Variants in ZC3H12C observed in about 807,000 individuals in gnomAD.
The protein encoded by ZC3H12C is probable ribonuclease ZC3H12C.
Under a neutral mutation model 76.3 loss-of-function variants are expected in ZC3H12C, and 20 were observed. That is an observed-to-expected ratio of 0.26 (90% CI 0.18 to 0.38). The LOEUF (loss-of-function observed/expected upper bound fraction) is 0.38, where lower values mean the gene tolerates loss of function less well. ZC3H12C is among the 10% of genes least tolerant of loss of function. The pLI is 1.00. For synonymous variants in ZC3H12C, 352 were observed against 399.6 expected (o/e 0.88, Z 1.42); for missense variants, 874 against 1,086.5 (o/e 0.80, Z 2.75).
At chr11:110,103,995 TC>T (rs1375794946) in intron 1 of ZC3H12C, among the ~76,000 whole-genome samples, 19 of 151,116 alleles carry the variant, frequency 1.3e-4, no homozygotes, top group Middle Eastern at 3.4e-3. Context: ...AGGAAACAAT[TC>T]TTTTTTTTTT....
At chr11:110,130,340 C>G (rs1449213634) in intron 1 of ZC3H12C, among the ~76,000 whole-genome samples, 1 of 152,166 alleles carries the variant, frequency 6.6e-6, no homozygotes, top group Non-Finnish European at 1.5e-5. Flanking sequence ...TTTGTGATCT[C>G]TTAAGTCTTT....
At chr11:110,116,667 C>G (rs755303705) in intron 1 of ZC3H12C, among the ~76,000 whole-genome samples, 1 of 152,184 alleles carries the variant, frequency 6.6e-6, no homozygotes, top group Non-Finnish European at 1.5e-5. Context: ...CATTTTTACA[C>G]TAAACTTTTT....
chr11:110,098,766 T>C (rs1418753527), intron 1 of ZC3H12C, among the ~76,000 whole-genome samples: 1 of 152,240 alleles, frequency 6.6e-6, no homozygotes, highest in East Asian at 1.9e-4. Context: ...CCTAGGAGTG[T>C]AGTAGGCTGT....
chr11:110,132,430 C>T (rs1214359629), intron 1 of ZC3H12C, among the ~76,000 whole-genome samples: 1 of 152,128 alleles, frequency 6.6e-6, no homozygotes, highest in Admixed American at 6.5e-5. Context: ...ACTTCATCAT[C>T]ATCTACAAAA....
intron 1 of ZC3H12C, among the ~76,000 whole-genome samples, chr11:110,128,537 A>G (rs906289982): frequency 2.6e-5 from 4 of 151,974 alleles, no homozygotes; most frequent in African/African-American, 7.3e-5. Context: ...TAACTGTAGT[A>G]GCAAGGGATA....
At chr11:110,113,241 C>G (rs1245897395) in intron 1 of ZC3H12C, among the ~76,000 whole-genome samples, 1 of 151,976 alleles carries the variant, frequency 6.6e-6, no homozygotes, top group Non-Finnish European at 1.5e-5. Context: ...AAATTTTCAT[C>G]TTTTTTTTCT....
intron 1 of ZC3H12C, among the ~76,000 whole-genome samples, chr11:110,101,829 C>T (rs943150680): frequency 1.4e-4 from 22 of 152,034 alleles, no homozygotes; most frequent in African/African-American, 3.1e-4. Context: ...GGACTAAAAG[C>T]GTGAGCCACC....
chr11:110,101,654 T>C (rs1460705815), intron 1 of ZC3H12C, among the ~76,000 whole-genome samples: 1 of 151,922 alleles, frequency 6.6e-6, no homozygotes, highest in Non-Finnish European at 1.5e-5. Flanking sequence ...TTCAAGCGAT[T>C]CTCCTGCTTC....
chr11:110,097,949 A>T (rs1861142494), intron 1 of ZC3H12C, among the ~76,000 whole-genome samples: 1 of 152,192 alleles, frequency 6.6e-6, no homozygotes, highest in African/African-American at 2.4e-5. Flanking sequence ...ATGAACGATT[A>T]TGTTACTGGG....
intron 1 of ZC3H12C, among the ~76,000 whole-genome samples, chr11:110,135,260 C>T (rs571660390): frequency 2.0e-5 from 3 of 152,084 alleles, no homozygotes; most frequent in East Asian, 1.9e-4. Context: ...GAGGCCAAGG[C>T]GGGCAGATCA....
chr11:110,131,041 A>C, intron 1 of ZC3H12C: 1 of 1,535,706 alleles, frequency 6.5e-7, no homozygotes, highest in Non-Finnish European at 8.7e-7. Context: ...TGCAGCTAAA[A>C]TTGTGTTAAG....
chr11:110,138,664 C>T (rs1399281686), intron 2 of ZC3H12C, among the ~76,000 whole-genome samples: 1 of 151,756 alleles, frequency 6.6e-6, no homozygotes, highest in Non-Finnish European at 1.5e-5. Flanking sequence ...TCAAGCGATT[C>T]TTGTGCCTCA....
In ZC3H12C at chr11:110,164,186, G is replaced by C. The variant is rs1862532470; in HGVS notation, c.1256-155G>C. Among the ~76,000 whole-genome samples the C allele has an allele frequency of 6.6e-6, 1 of 152,084 alleles. No homozygotes were observed. Among genetic ancestry groups the C allele is most frequent in the South Asian group, 2.1e-4 (1 of 4,824 alleles). On this transcript the variant is annotated intron_variant, in intron 5 of 5. Coordinates refer to ENST00000278590, the MANE Select transcript of ZC3H12C (RefSeq NM_033390.2). This position sits in a 1 kb window ranked among gnomAD's most constrained non-coding sequence, Gnocchi z 5.7. ...GATAGTAAAGAAATGAGAAGACTGA[G>C]AAGTGACGTTTCTCAAGAGTAAAGA...
chr11:110,124,684 G>GCCCT (rs1460660478), intron 1 of ZC3H12C, among the ~76,000 whole-genome samples: 1 of 152,202 alleles, frequency 6.6e-6, no homozygotes, highest in African/African-American at 2.4e-5. Flanking sequence ...AGACATCTGT[G>GCCCT]CCCTCACTTT....
chr11:110,123,475 A>G (rs1482992979), intron 1 of ZC3H12C, among the ~76,000 whole-genome samples: 1 of 152,206 alleles, frequency 6.6e-6, no homozygotes, highest in Non-Finnish European at 1.5e-5. Context: ...ACCAGTGGAA[A>G]GGAATGTTGT....
chr11:110,131,123 C>T, intron 1 of ZC3H12C: 2 of 1,511,768 alleles, frequency 1.3e-6, no homozygotes, highest in Non-Finnish European at 1.8e-6. Context: ...ATTTGTGCTA[C>T]TTTAATGCCT....
At chr11:110,121,541 A>G (rs1861650617) in intron 1 of ZC3H12C, among the ~76,000 whole-genome samples, 1 of 152,232 alleles carries the variant, frequency 6.6e-6, no homozygotes, top group South Asian at 2.1e-4. Flanking sequence ...ACTCTAAAGA[A>G]AAGTTTTGTT....
At position 110,165,335 on chromosome 11, in the gene ZC3H12C, C is replaced by T. The variant is rs1325224691; in HGVS notation, c.2250C>T (p.Ser750=). ...GRSLVATRID[S]ISDSRLYDSS... ...CCTTGGTGGCCACGAGAATAGACAG[C>T]ATCTCTGACTCTCGACTTTATGACA... The change falls in exon 6 of 6, where the codon AGC becomes AGT. Residue 750 remains serine, a synonymous_variant. Transcript: ENST00000278590. The T allele has an allele frequency of 6.2e-7, 1 of 1,614,020 alleles. No individual in the cohort carries two copies. Among genetic ancestry groups the T allele is most frequent in the East Asian group, 2.2e-5 (1 of 44,878 alleles).
At chr11:110,157,699 TG>T (rs1862403097) in intron 3 of ZC3H12C, among the ~76,000 whole-genome samples, 1 of 152,102 alleles carries the variant, frequency 6.6e-6, no homozygotes, top group African/African-American at 2.4e-5. Flanking sequence ...GCCTCCCAAA[TG>T]TCTGGTCTTA....
Sources: allele counts gnomAD v4.1 joint callset (sites outside exome capture counted in the v4.1 genomes callset), GRCh38; gene constraint gnomAD v4.1.1; non-coding constraint Gnocchi (gnomAD v3.1); transcripts MANE v1.5; gene names NCBI Gene and HGNC (gene_info 2026-07-23, HGNC 2026-07-21).